The following ROBO2 variants were observed in gnomAD, a reference collection of about 807,000 sequenced individuals.
The protein encoded by ROBO2 is roundabout homolog 2.
A neutral mutation model predicts 160.8 loss-of-function variants in ROBO2; 53 were observed. The observed-to-expected ratio is 0.33, with a 90% CI of 0.26 to 0.41. ROBO2 has a LOEUF of 0.41. Ranked by LOEUF, ROBO2 falls within the 10% of genes least tolerant of loss-of-function variation. The pLI is 1.00. For synonymous variants in ROBO2, 664 were observed against 611.7 expected (o/e 1.09, Z -1.26); for missense variants, 1,577 against 1,722.4 (o/e 0.92, Z 1.49).
chr3:76,091,725 C>T (rs1373723559), intron 2 of ROBO2, among the ~76,000 whole-genome samples: 1 of 152,006 alleles, frequency 6.6e-6, no homozygotes, highest in Admixed American at 6.6e-5. Flanking sequence ...TACTTCCAGG[C>T]AATGGAATAT....
At chr3:76,164,177 G>A (rs1256505523) in intron 2 of ROBO2, among the ~76,000 whole-genome samples, 1 of 152,162 alleles carries the variant, frequency 6.6e-6, no homozygotes, top group Non-Finnish European at 1.5e-5. Context: ...TGCATTAAAT[G>A]TGTATCATGA....
rs902289443 is a variant in ROBO2 at position 76,089,958 on chromosome 3, T to A, written c.109+152356T>A. 6.6e-5 allele frequency among the ~76,000 whole-genome samples: 10 copies of A among 152,208 alleles called. No individual in the cohort carries two copies. The East Asian group carries it at 1.9e-3, about 30-fold the overall frequency. ...AATTCTCAGAAAAACTCCTGGAATA[T>A]TAGTGATTATAGAAAGGTATCAGAA... On this transcript the variant is annotated intron_variant, in intron 2 of 26. Coordinates refer to the ROBO2 transcript ENST00000487694.
At chr3:76,161,933 G>T (rs1323599607) in intron 2 of ROBO2, among the ~76,000 whole-genome samples, 1 of 152,124 alleles carries the variant, frequency 6.6e-6, no homozygotes, top group Non-Finnish European at 1.5e-5. Flanking sequence ...AAATTTTTTA[G>T]AAGTCTCCAT....
chr3:76,400,001 C>G (rs1244181491), intron 2 of ROBO2, among the ~76,000 whole-genome samples: 2 of 151,564 alleles, frequency 1.3e-5, no homozygotes, highest in East Asian at 1.9e-4. Context: ...ATGGATATTA[C>G]GACAAGTGTA....
intron 2 of ROBO2, among the ~76,000 whole-genome samples, chr3:76,541,992 CA>C (rs762931143): frequency 3.5e-4 from 54 of 152,232 alleles, no homozygotes; most frequent in South Asian, 6.2e-4. Flanking sequence ...TTACCTTCAC[CA>C]AATGCTTCTT....
intron 2 of ROBO2, among the ~76,000 whole-genome samples, chr3:77,125,993 C>T (rs1016439219): frequency 1.3e-5 from 2 of 152,154 alleles, no homozygotes; most frequent in African/African-American, 2.4e-5. Context: ...ATCATTTATT[C>T]AGCTCCCAGC....
At chr3:76,948,579 A>ATTT (rs757654181) in intron 2 of ROBO2, among the ~76,000 whole-genome samples, 25 of 93,642 alleles carry the variant, frequency 2.7e-4, no homozygotes, top group African/African-American at 7.6e-4. Flanking sequence ...TTATAATCTA[A>ATTT]TTTTTTTTTT....
chr3:76,952,223 A>C (rs2149183285), intron 2 of ROBO2, among the ~76,000 whole-genome samples: 1 of 152,330 alleles, frequency 6.6e-6, no homozygotes, highest in African/African-American at 2.4e-5. Flanking sequence ...ATGGACAAAA[A>C]TAATTTCTGA....
At chr3:76,692,935 GTATA>G (rs1216177337) in intron 2 of ROBO2, among the ~76,000 whole-genome samples, 35 of 150,068 alleles carry the variant, frequency 2.3e-4, no homozygotes, top group Non-Finnish European at 4.4e-4. Flanking sequence ...TATATAGTGT[GTATA>G]TATAGTGTAC....
At chr3:77,451,845 A>G (rs2081147912) in intron 2 of ROBO2, among the ~76,000 whole-genome samples, 1 of 151,758 alleles carries the variant, frequency 6.6e-6, no homozygotes, top group Non-Finnish European at 1.5e-5. Context: ...AGGTGTGTAT[A>G]CATGTGCCAT....
At chr3:76,154,927 T>C (rs1201436385) in intron 2 of ROBO2, among the ~76,000 whole-genome samples, 1 of 152,142 alleles carries the variant, frequency 6.6e-6, no homozygotes, top group Non-Finnish European at 1.5e-5. Flanking sequence ...GTTATTTCAG[T>C]GTCATGATTC....
intron 2 of ROBO2, among the ~76,000 whole-genome samples, chr3:76,049,401 A>T (rs866049425): frequency 0.018 from 1,118 of 63,604 alleles, 51 homozygotes; most frequent in African/African-American, 0.11. Context: ...ATATATATAT[A>T]TATTTTTTTT....
chr3:75,978,364 C>T (rs970482449), intron 2 of ROBO2, among the ~76,000 whole-genome samples: 1 of 151,410 alleles, frequency 6.6e-6, no homozygotes, highest in Admixed American at 6.6e-5. Flanking sequence ...TATTATTTTA[C>T]TAATATTTTA....
intron 2 of ROBO2, among the ~76,000 whole-genome samples, chr3:76,101,131 G>GT (rs1379492264): frequency 6.6e-5 from 10 of 152,098 alleles, no homozygotes; most frequent in African/African-American, 2.4e-4. Flanking sequence ...CAGAAAGCCG[G>GT]TAATCGTCAC....
intron 2 of ROBO2, among the ~76,000 whole-genome samples, chr3:76,991,594 C>G (rs1371915083): frequency 6.6e-6 from 1 of 152,128 alleles, no homozygotes; most frequent in Non-Finnish European, 1.5e-5. Context: ...TGAGGACTTT[C>G]ATTACGTTTT....
intron 2 of ROBO2, among the ~76,000 whole-genome samples, chr3:76,808,399 A>G (rs944601763): frequency 6.6e-6 from 1 of 152,024 alleles, no homozygotes; most frequent in East Asian, 1.9e-4. Flanking sequence ...TTTTTTGAGC[A>G]CCTCCTTCCT....
chr3:76,226,287 A>G (rs1302166608), intron 2 of ROBO2, among the ~76,000 whole-genome samples: 1 of 152,186 alleles, frequency 6.6e-6, no homozygotes, highest in Admixed American at 6.5e-5. Context: ...TTTACATGCA[A>G]CAAATTAACT....
intron 2 of ROBO2, among the ~76,000 whole-genome samples, chr3:75,946,738 G>A (rs1458097085): frequency 1.3e-5 from 2 of 152,060 alleles, no homozygotes; most frequent in Non-Finnish European, 2.9e-5. Flanking sequence ...TACAAAGAAA[G>A]CCAGTTTGGC....
At chr3:76,702,131 C>G (rs1184549903) in intron 2 of ROBO2, among the ~76,000 whole-genome samples, 1 of 151,882 alleles carries the variant, frequency 6.6e-6, no homozygotes, top group African/African-American at 2.4e-5. Context: ...CTATAATTAG[C>G]TCTTTAATTT....
Sources: allele counts gnomAD v4.1 joint callset (sites outside exome capture counted in the v4.1 genomes callset), GRCh38; gene constraint gnomAD v4.1.1; transcripts MANE v1.5; gene names NCBI Gene and HGNC (gene_info 2026-07-23, HGNC 2026-07-21).